The following CTNNBL1 variants were observed in gnomAD, a reference collection of about 807,000 sequenced individuals.
The protein encoded by CTNNBL1 is beta-catenin-like protein 1.
Under a neutral mutation model 72.7 loss-of-function variants are expected in CTNNBL1, and 31 were observed. The ratio of observed to expected loss-of-function variants is 0.43; its 90% CI spans 0.32 to 0.58. The LOEUF is 0.58. CTNNBL1 is among the 20% of genes least tolerant of loss of function. The probability of loss-of-function intolerance (pLI) is 0.08; values close to 1 mark genes in which losing one functional copy is unlikely to be tolerated. For synonymous variants in CTNNBL1, 240 were observed against 267.3 expected, an observed-to-expected ratio of 0.90 and a Z score of 1.00; for missense variants, 534 against 725.1, an observed-to-expected ratio of 0.74 and a Z score of 3.03.
At chr20:37,798,852 T>C (rs1267438244) in intron 10 of CTNNBL1, among the ~76,000 whole-genome samples, 2 of 152,202 alleles carry the variant, frequency 1.3e-5, no homozygotes, top group Non-Finnish European at 2.9e-5. Context: ...AAGAGGCCTT[T>C]TCCTGAGTGA....
chr20:37,767,692 G>A (rs1025808833), intron 6 of CTNNBL1, among the ~76,000 whole-genome samples: 5 of 152,166 alleles, frequency 3.3e-5, no homozygotes, highest in South Asian at 2.1e-4. Flanking sequence ...CTCTAGTGTT[G>A]TTCCCTATTA....
chr20:37,787,103 G>C (rs946449403), intron 10 of CTNNBL1, among the ~76,000 whole-genome samples: 1 of 145,552 alleles, frequency 6.9e-6, no homozygotes, highest in Non-Finnish European at 1.5e-5. Flanking sequence ...TGTTTCTTCT[G>C]ATCCTTCCTA....
chr20:37,779,422 T>G, intron 10 of CTNNBL1, 87 bp downstream of exon 10: 5 of 1,471,742 alleles, frequency 3.4e-6, no homozygotes, highest in Non-Finnish European at 4.7e-6. Flanking sequence ...GCTATGATCA[T>G]TTATTCTGTT....
At chr20:37,737,624 A>G (rs1311097740) in intron 3 of CTNNBL1, 140 bp downstream of exon 3, 6 of 594,916 alleles carry the variant, frequency 1.0e-5, no homozygotes, top group Non-Finnish European at 1.8e-5. Flanking sequence ...ATTCACTAGA[A>G]GGACTCCCAG....
chr20:37,871,882 C>G (rs1168500725), intron 15 of CTNNBL1, 43 bp from the exon 16 acceptor site: 4 of 1,550,340 alleles, frequency 2.6e-6, no homozygotes, highest in Non-Finnish European at 3.6e-6. Context: ...ACGGTGGATG[C>G]CATGCCTGGG....
At chr20:37,811,470 A>T (rs931990057) in intron 11 of CTNNBL1, among the ~76,000 whole-genome samples, 3 of 152,222 alleles carry the variant, frequency 2.0e-5, no homozygotes, top group Admixed American at 2.0e-4. Context: ...TTATAATTGA[A>T]TAGTTTCTGG....
chr20:37,812,336 A>T (rs1365320993), intron 11 of CTNNBL1, among the ~76,000 whole-genome samples: 4 of 152,160 alleles, frequency 2.6e-5, no homozygotes, highest in African/African-American at 9.7e-5. Flanking sequence ...TACATATAGG[A>T]TATAAACCTC....
intron 1 of CTNNBL1, among the ~76,000 whole-genome samples, chr20:37,719,992 G>A (rs762766769): frequency 2.7e-4 from 40 of 148,726 alleles, no homozygotes; most frequent in Non-Finnish European, 4.3e-4. Flanking sequence ...AGGCATGTGC[G>A]TGTATCACTG....
In CTNNBL1 at chr20:37,825,749, G is replaced by A. The variant is rs552233524; in HGVS notation, c.1214-14353G>A. 7.2e-5 allele frequency among the ~76,000 whole-genome samples: 11 copies of A among 152,322 alleles called. No individual in the cohort carries two copies. In the South Asian group the frequency reaches 2.3e-3, roughly 32 times the overall value. On this transcript the variant is annotated intron_variant, in intron 11 of 15. Coordinates refer to ENST00000361383, the MANE Select transcript of CTNNBL1 (RefSeq NM_030877.5). ...GCCAGTCTGATTGCTGCCCCTTGGT[G>A]TATAGAGCATCCCTCTTGGGCAGAG...
intron 8 of CTNNBL1, 111 bp from the exon 9 acceptor site, chr20:37,777,543 G>T (rs1162334482): frequency 7.2e-7 from 1 of 1,382,582 alleles, no homozygotes; most frequent in African/African-American, 1.4e-5. Flanking sequence ...TGCTGCTTTT[G>T]TACTCTGTCA....
intron 1 of CTNNBL1, among the ~76,000 whole-genome samples, chr20:37,727,071 CT>C (rs765755034): frequency 1.3e-5 from 2 of 152,072 alleles, no homozygotes; most frequent in Non-Finnish European, 2.9e-5. Context: ...GATGTAGCCT[CT>C]TCCTATGGTA....
chr20:37,871,915 G>T lies in CTNNBL1; in HGVS notation c.1604-10G>T. ...GGGATCCACTCCTGACTCTATCTTT[G>T]TCCCCCTAGAGTATGCAGAGAACAT... On this transcript the variant is annotated splice_polypyrimidine_tract_variant and intron_variant, in intron 15 of 15. Transcript: ENST00000361383. 1.2e-6 allele frequency: 2 copies of T among 1,612,038 alleles called. No homozygotes were observed. Among genetic ancestry groups the T allele is most frequent in the African/African-American group, 1.3e-5 (1 of 74,938 alleles).
At chr20:37,797,098 A>G (rs934118837) in intron 10 of CTNNBL1, among the ~76,000 whole-genome samples, 7 of 152,012 alleles carry the variant, frequency 4.6e-5, no homozygotes, top group Admixed American at 1.3e-4. Flanking sequence ...GGTCGTATTT[A>G]TTATTTATTT....
At chr20:37,788,473 T>C (rs1483255346) in intron 10 of CTNNBL1, among the ~76,000 whole-genome samples, 1 of 152,252 alleles carries the variant, frequency 6.6e-6, no homozygotes, top group Admixed American at 6.5e-5. Context: ...GTCTCTTGCC[T>C]GAACATATTT....
At chr20:37,842,553 A>G (rs1041188253) in intron 13 of CTNNBL1, 134 bp downstream of exon 13, 4 of 673,808 alleles carry the variant, frequency 5.9e-6, no homozygotes, top group Admixed American at 4.5e-5. Flanking sequence ...AGAGCAGATG[A>G]TGGTCTGCCA....
intron 10 of CTNNBL1, among the ~76,000 whole-genome samples, chr20:37,792,502 A>T (rs2073733788): frequency 6.6e-6 from 1 of 152,094 alleles, no homozygotes; most frequent in African/African-American, 2.4e-5. Flanking sequence ...TTTTCTTTAC[A>T]TTACTCAGTG....
At chr20:37,744,417 T>G (rs887309085) in intron 3 of CTNNBL1, among the ~76,000 whole-genome samples, 1 of 152,206 alleles carries the variant, frequency 6.6e-6, no homozygotes, top group Non-Finnish European at 1.5e-5. Context: ...GTGTCATTTG[T>G]TAAAGGGAAA....
intron 13 of CTNNBL1, among the ~76,000 whole-genome samples, chr20:37,856,229 A>G (rs942102621): frequency 3.3e-5 from 5 of 151,066 alleles, no homozygotes; most frequent in African/African-American, 1.2e-4. Flanking sequence ...CTACTAAGCA[A>G]AAAAATGCTG....
rs140038013 is a variant in CTNNBL1 at position 37,855,400 on chromosome 20, A to G, written c.1393-4499A>G. ...AAGGTCCTTTATAATAGTCATTATT[A>G]CATTTTTCAAAAATAATTTCATATT... is the stretch of plus-strand genomic sequence containing the variant. On this transcript the variant is annotated intron_variant, in intron 13 of 15. Coordinates refer to ENST00000361383, the MANE Select transcript of CTNNBL1 (RefSeq NM_030877.5). Among the ~76,000 whole-genome samples, 193 of 152,304 alleles carry G rather than the reference A, an allele frequency of 1.3e-3. 2 individuals carry two copies. The highest frequency in any genetic ancestry group is 4.5e-3 in the African/African-American group (185 of 41,564).
Sources: allele counts gnomAD v4.1 joint callset (sites outside exome capture counted in the v4.1 genomes callset), GRCh38; gene constraint gnomAD v4.1.1; transcripts MANE v1.5; gene names NCBI Gene and HGNC (gene_info 2026-07-23, HGNC 2026-07-21).